The following EYS variants were observed in gnomAD, a reference collection of about 807,000 sequenced individuals.
EYS encodes EGF-like photoreceptor maintenance factor.
A neutral mutation model predicts 282.1 loss-of-function variants in EYS; 250 were observed. The observed-to-expected ratio is 0.89, with a 90% CI of 0.80 to 0.98. The LOEUF (loss-of-function observed/expected upper bound fraction) is 0.98. Ranked by LOEUF, EYS falls within the 50% of genes least tolerant of loss-of-function variation. EYS has a pLI of 0.00. For synonymous variants in EYS, 1,355 were observed against 1,282.9 expected (o/e 1.06, Z -1.20); for missense variants, 4,016 against 3,709.0 (o/e 1.08, Z -2.15).
rs867817458 is a variant in EYS at position 64,560,929 on chromosome 6, G to T, written c.5644+29294C>A. ...GCCAGTATTTTTGATGCACATTGAT[G>T]CAAGTATCCTTAAAAAATACTTGAA... On this transcript the variant is annotated intron_variant, in intron 26 of 42. Coordinates refer to ENST00000503581, the MANE Select transcript of EYS (RefSeq NM_001142800.2). Among the ~76,000 whole-genome samples the T allele has an allele frequency of 2.0e-5, 3 of 152,162 alleles. No homozygotes were observed. The Middle Eastern group carries it at 0.01, about 521-fold the overall frequency.
chr6:63,825,578 C>T lies in EYS; in HGVS notation c.7229-19206G>A, dbSNP rs6914659. Among the ~76,000 whole-genome samples, 725 of 152,212 alleles carry T rather than the reference C, an allele frequency of 4.8e-3. 6 individuals are homozygous for T. Among genetic ancestry groups the T allele is most frequent in the East Asian group, 0.024 (124 of 5,170 alleles). On this transcript the variant is annotated intron_variant, in intron 36 of 42. Coordinates refer to ENST00000503581, the MANE Select transcript of EYS (RefSeq NM_001142800.2). ...TGGTTCACATTACAGGAATCTATGC[C>T]GACAATGGCCAGTATCAGTCCAGAG...
intron 31 of EYS, among the ~76,000 whole-genome samples, chr6:64,142,119 G>T (rs112990944): frequency 3.3e-5 from 5 of 152,062 alleles, no homozygotes; most frequent in African/African-American, 4.8e-5. Context: ...GAGAGAAAAA[G>T]ATCTTCCTCA....
At chr6:64,272,989 A>G (rs1376937184) in intron 30 of EYS, among the ~76,000 whole-genome samples, 1 of 151,842 alleles carries the variant, frequency 6.6e-6, no homozygotes, top group Admixed American at 6.6e-5. Flanking sequence ...ATGTTTTTGT[A>G]TTTTCTTTTC....
At position 64,666,634 on chromosome 6, in the gene EYS, T is replaced by G. The variant is rs568799080; in HGVS notation, c.3444-40389A>C. ...AATAATACCAACCAGAAATCAATGT[T>G]ATTTATAACTGATATGACAATGACT... is the stretch of plus-strand genomic sequence containing the variant. On this transcript the variant is annotated intron_variant, in intron 22 of 42. Coordinates refer to ENST00000503581, the MANE Select transcript of EYS (RefSeq NM_001142800.2). Among the ~76,000 whole-genome samples the G allele has an allele frequency of 1.1e-4, 16 of 152,340 alleles. No individual in the cohort carries two copies. The South Asian group carries it at 3.1e-3, about 30-fold the overall frequency.
At position 64,706,018 on chromosome 6, in the gene EYS, C is replaced by CA. The variant is rs34675387; in HGVS notation, c.3444-79774dup. ...AATAACTAACTAAATAAAAATTATT[C>CA]AAAAAAAAAAAAGCACAAATCTGGA... On this transcript the variant is annotated intron_variant, in intron 22 of 42. Coordinates refer to ENST00000503581, the MANE Select transcript of EYS (RefSeq NM_001142800.2). Among the ~76,000 whole-genome samples the CA allele has an allele frequency of 4.9e-3, 712 of 146,698 alleles. 8 individuals carry two copies. Among genetic ancestry groups the CA allele is most frequent in the African/African-American group, 0.016 (617 of 39,770 alleles).
At chr6:64,188,352 G>C (rs983583068) in intron 31 of EYS, among the ~76,000 whole-genome samples, 4 of 151,916 alleles carry the variant, frequency 2.6e-5, no homozygotes, top group African/African-American at 9.7e-5. Flanking sequence ...AGATAAACTG[G>C]GTTCAATAAG....
chr6:63,966,252 A>T (rs370607562), intron 35 of EYS, among the ~76,000 whole-genome samples: 25 of 152,220 alleles, frequency 1.6e-4, no homozygotes, highest in African/African-American at 5.8e-4. Flanking sequence ...TTCTAAGTGA[A>T]GTAGCTCAGG....
At chr6:64,400,732 T>G (rs373630835) in intron 28 of EYS, among the ~76,000 whole-genome samples, 3 of 152,084 alleles carry the variant, frequency 2.0e-5, no homozygotes, top group South Asian at 2.1e-4. Flanking sequence ...AAATGCTTTC[T>G]CTAAAATCAG....
chr6:63,833,572 A>G (rs766973400), intron 36 of EYS, among the ~76,000 whole-genome samples: 5 of 152,212 alleles, frequency 3.3e-5, no homozygotes, highest in African/African-American at 4.8e-5. Context: ...ACACAAACAA[A>G]TGGAAGACCA....
chr6:63,965,469 G>A (rs1766262752), intron 35 of EYS, among the ~76,000 whole-genome samples: 1 of 152,146 alleles, frequency 6.6e-6, no homozygotes, highest in South Asian at 2.1e-4. Context: ...CCAGTGCAAA[G>A]TGCATTTCAT....
At chr6:63,951,771 T>TC (rs112845653) in intron 35 of EYS, among the ~76,000 whole-genome samples, 64,472 of 151,876 alleles carry the variant, frequency 0.42, 15,374 homozygotes, top group African/African-American at 0.65. Flanking sequence ...GGTTAATGCT[T>TC]TTTTTCTTTA....
At chr6:65,153,094 A>G (rs1008515359) in intron 12 of EYS, among the ~76,000 whole-genome samples, 1 of 151,838 alleles carries the variant, frequency 6.6e-6, no homozygotes, top group Non-Finnish European at 1.5e-5. Flanking sequence ...TAATGAGAAT[A>G]TGCTACATAA....
rs575664244 is a variant in EYS, at chr6:65,618,363, G to A, written c.-333+21415C>T. On this transcript the variant is annotated intron_variant, in intron 2 of 42. Coordinates refer to ENST00000503581, the MANE Select transcript of EYS (RefSeq NM_001142800.2). ...GCATGAATGTCTTCTTTTGAGAAGT[G>A]TCTGTTCATGTCCTTCGCCCACTTT... Among the ~76,000 whole-genome samples, 112 of 152,348 alleles carry A rather than the reference G, an allele frequency of 7.4e-4. 1 individual carries two copies. Among genetic ancestry groups the A allele is most frequent in the Admixed American group, 9.8e-4 (15 of 15,300 alleles).
chr6:65,573,760 C>T (rs1175052974), intron 2 of EYS, among the ~76,000 whole-genome samples: 1 of 151,984 alleles, frequency 6.6e-6, no homozygotes, highest in Admixed American at 6.6e-5. Flanking sequence ...AACATCAGCC[C>T]AGCTGTGATG....
At chr6:65,259,601 T>C (rs985879082) in intron 12 of EYS, among the ~76,000 whole-genome samples, 1 of 152,104 alleles carries the variant, frequency 6.6e-6, no homozygotes, top group Non-Finnish European at 1.5e-5. Context: ...AATTTATCTG[T>C]TTAGAAAATT....
intron 23 of EYS, among the ~76,000 whole-genome samples, chr6:64,618,709 T>C (rs1380253404): frequency 1.3e-5 from 2 of 152,120 alleles, no homozygotes; most frequent in African/African-American, 2.4e-5. Context: ...AACTTAGAAA[T>C]AGCGGCCAAG....
chr6:64,064,587 A>G (rs1482611734), intron 33 of EYS, among the ~76,000 whole-genome samples: 5 of 152,164 alleles, frequency 3.3e-5, no homozygotes, highest in Admixed American at 3.3e-4. Context: ...AACACTTGGA[A>G]AGTCCTTTTC....
At chr6:65,528,928 C>CT (rs1562242388) in intron 2 of EYS, among the ~76,000 whole-genome samples, 1 of 152,068 alleles carries the variant, frequency 6.6e-6, no homozygotes. Context: ...AAGCTAAAGT[C>CT]TTTTGCAAAT....
At chr6:65,100,698 C>T (rs1454901217) in intron 12 of EYS, among the ~76,000 whole-genome samples, 2 of 149,600 alleles carry the variant, frequency 1.3e-5, no homozygotes, top group Non-Finnish European at 3.0e-5. Context: ...TATGGTTGTT[C>T]AGAAACAGAA....
Sources: allele counts gnomAD v4.1 joint callset (sites outside exome capture counted in the v4.1 genomes callset), GRCh38; gene constraint gnomAD v4.1.1; transcripts MANE v1.5; gene names NCBI Gene and HGNC (gene_info 2026-07-23, HGNC 2026-07-21).